RPGR: variants seen among roughly 807,000 people sequenced by gnomAD.
RPGR encodes the protein retinitis pigmentosa GTPase regulator.
In RPGR, 10 loss-of-function variants were observed where a neutral mutation model predicts 56.3. The observed-to-expected ratio is 0.18, with a 90% confidence interval of 0.11 to 0.30. RPGR has a LOEUF of 0.30. Among genes scored for constraint, RPGR ranks in the 10% least tolerant of loss-of-function variants. RPGR has a pLI of 1.00. For missense variants in RPGR, 538 were observed against 590.9 expected (o/e 0.91, Z 0.93); for synonymous variants, 197 against 212.9 (o/e 0.93, Z 0.65).
chrX:38,270,616 C>G (rs1290139872), intron 18 of RPGR, among the ~76,000 whole-genome samples: 1 of 88,467 alleles, frequency 1.1e-5, no homozygotes, highest in Non-Finnish European at 2.2e-5. Context: ...GAGCGAGACT[C>G]TGTCCCCAAA....
chrX:38,280,303 T>C (rs1981287981), intron 15 of RPGR, among the ~76,000 whole-genome samples: 1 of 111,661 alleles, frequency 9.0e-6, no homozygotes, highest in Non-Finnish European at 1.9e-5. Flanking sequence ...GTTTGGACTT[T>C]TTTTTCCCAT....
At chrX:38,308,115 T>C (rs1032108525) in intron 7 of RPGR, 1 of 111,906 alleles carries the variant, frequency 8.9e-6, no homozygotes, top group African/African-American at 3.2e-5. Flanking sequence ...GTTTTTCTCC[T>C]GTATTCCCCC....
chrX:38,286,082 C>CTCCTTCCTCCCCTTCTTCCT, intron 15 of RPGR: 1 of 578,202 alleles, frequency 1.7e-6, no homozygotes, highest in Non-Finnish European at 2.4e-6. Flanking sequence ...TCCTCCCCTT[C>CTCCTTCCTCCCCTTCTTCCT]CCCTTCTCCT....
At chrX:38,291,304 A>G (rs1363599692) in intron 12 of RPGR, 89 bp downstream of exon 12, 23 of 555,728 alleles carry the variant, frequency 4.1e-5, no homozygotes, top group Middle Eastern at 4.9e-4. Flanking sequence ...TTTCATGCAT[A>G]TAAGAGTATA....
At position 38,312,941 on chromosome X, in the gene RPGR, C is replaced by CAAA. The variant is rs57656419; in HGVS notation, c.620-2171_620-2169dup. Among the ~76,000 whole-genome samples the CAAA allele has an allele frequency of 6.4e-3, 669 of 105,216 alleles. 6 individuals are homozygous for CAAA. Among genetic ancestry groups the CAAA allele is most frequent in the Middle Eastern group, 0.025 (5 of 201 alleles). The allele number at this position is 105,216 out of a possible 115,157, so 91.4% of individuals were successfully genotyped here. Reference sequence around the variant, plus strand: ...CTGGGCAACAGAGTGAGACCTAGCTCAAAAAAAAAAATGCACCTACCAAAT... The same window carrying CAAA: ...CTGGGCAACAGAGTGAGACCTAGCTCAAAAAAAAAAAAAATGCACCTACCAAAT... On this transcript the variant is annotated intron_variant, in intron 6 of 18. Transcript: ENST00000642395.
At chrX:38,318,701 T>A in intron 5 of RPGR, 128 bp downstream of exon 5, 4 of 685,705 alleles carry the variant, frequency 5.8e-6, no homozygotes, top group Non-Finnish European at 9.0e-6. Flanking sequence ...TTTAAATGTT[T>A]TCTGAAAGCA....
chrX:38,317,248 A>C, intron 6 of RPGR, 68 bp downstream of exon 6: 1 of 1,020,943 alleles, frequency 9.8e-7, no homozygotes, highest in Non-Finnish European at 1.4e-6. Context: ...AGACTATATC[A>C]TTTCATTATT....
intron 15 of RPGR, among the ~76,000 whole-genome samples, chrX:38,282,029 C>A (rs572062266): frequency 8.9e-6 from 1 of 111,962 alleles, no homozygotes. Context: ...AATTTATCAT[C>A]TTTTCCCCAG....
At chrX:38,283,055 CT>C (rs1374227038) in intron 15 of RPGR, among the ~76,000 whole-genome samples, 2 of 110,884 alleles carry the variant, frequency 1.8e-5, no homozygotes, top group Non-Finnish European at 3.8e-5. Context: ...CTTAAGCTTC[CT>C]TTTTTTTCTC....
intron 6 of RPGR, among the ~76,000 whole-genome samples, chrX:38,315,787 G>A (rs1272648362): frequency 9.7e-6 from 1 of 103,003 alleles, no homozygotes; most frequent in Non-Finnish European, 2.0e-5. Context: ...TCACATGCCT[G>A]CATAAAAACA....
intron 17 of RPGR, chrX:38,275,051 A>C: frequency 9.7e-7 from 1 of 1,035,461 alleles, no homozygotes; most frequent in Non-Finnish European, 1.4e-6. Flanking sequence ...GTGTGTATGT[A>C]TGTATGTATA....
At chrX:38,306,986 C>T (rs897999412) in intron 7 of RPGR, among the ~76,000 whole-genome samples, 1 of 112,846 alleles carries the variant, frequency 8.9e-6, no homozygotes, top group Non-Finnish European at 1.9e-5. Context: ...AATAATATTA[C>T]ATTAGGAAAA....
chrX:38,325,705 T>A (rs1038491646), intron 1 of RPGR: 2 of 111,942 alleles, frequency 1.8e-5, no homozygotes, highest in African/African-American at 6.5e-5. Context: ...AATGCCACGG[T>A]CCTAGGAGAT....
intron 11 of RPGR, among the ~76,000 whole-genome samples, chrX:38,295,776 T>C (rs1286620495): frequency 9.0e-6 from 1 of 111,408 alleles, no homozygotes; most frequent in Non-Finnish European, 1.9e-5. Context: ...AGCTTCCTGA[T>C]CTCAAAGATA....
chrX:38,283,137 T>C (rs1257763819), intron 15 of RPGR, among the ~76,000 whole-genome samples: 2 of 111,200 alleles, frequency 1.8e-5, no homozygotes, highest in Non-Finnish European at 3.8e-5. Flanking sequence ...CCTGGGTCTT[T>C]TGTACCCCAA....
At chrX:38,304,277 A>G (rs1161806254) in intron 8 of RPGR, among the ~76,000 whole-genome samples, 1 of 105,573 alleles carries the variant, frequency 9.5e-6, no homozygotes, top group Admixed American at 1.0e-4. Flanking sequence ...ATGTTTTAAA[A>G]TAAGTTTTTG....
In RPGR at chrX:38,271,646, TC is replaced by T. The variant is rs1280501751; in HGVS notation, c.2241+1739del. Among the ~76,000 whole-genome samples the T allele has an allele frequency of 7.1e-5, 8 of 112,000 alleles. No homozygotes were observed. The East Asian group carries it at 2.2e-3, about 31-fold the overall frequency. ...TAAATGAGAAATGAACTTAAAGTGG[TC>T]CTTCAGTCACTCCAGAGCTAATAAA... is the stretch of plus-strand genomic sequence containing the variant. On this transcript the variant is annotated intron_variant, in intron 18 of 18. Transcript: ENST00000642395.
At chrX:38,283,914 A>T (rs2067078768) in intron 15 of RPGR, among the ~76,000 whole-genome samples, 1 of 111,887 alleles carries the variant, frequency 8.9e-6, no homozygotes, top group South Asian at 3.7e-4. Flanking sequence ...TTTTTATCAT[A>T]GTATTAATTC....
chrX:38,274,732 T>G (rs1416266280), intron 17 of RPGR, among the ~76,000 whole-genome samples: 1 of 111,893 alleles, frequency 8.9e-6, no homozygotes, highest in African/African-American at 3.3e-5. Context: ...GGAGAATCAC[T>G]TGAACCTGGG....
Sources: allele counts gnomAD v4.1 joint callset (sites outside exome capture counted in the v4.1 genomes callset), GRCh38; gene constraint gnomAD v4.1.1; transcripts MANE v1.5; gene names NCBI Gene and HGNC (gene_info 2026-07-23, HGNC 2026-07-21).